Variants in ADAMTS2 observed in about 807,000 individuals in gnomAD.
ADAMTS2 encodes the protein A disintegrin and metalloproteinase with thrombospondin motifs 2.
Under a neutral mutation model 123.0 loss-of-function variants are expected in ADAMTS2, and 50 were observed. The ratio of observed to expected loss-of-function variants is 0.41; its 90% confidence interval spans 0.32 to 0.51. ADAMTS2 has a LOEUF of 0.51. Among genes scored for constraint, ADAMTS2 ranks in the 20% least tolerant of loss-of-function variants. The pLI, the probability that ADAMTS2 is intolerant of heterozygous loss-of-function variation, is 0.35. For synonymous variants in ADAMTS2, 678 were observed against 695.4 expected, an observed-to-expected ratio of 0.98 and a Z score of 0.39; for missense variants, 1,494 against 1,705.2, an observed-to-expected ratio of 0.88 and a Z score of 2.18.
rs184679015 is a variant in ADAMTS2 at position 179,180,843 on chromosome 5, G to A, written c.975+229C>T. Among the ~76,000 whole-genome samples, 1 of 152,304 alleles carries A rather than the reference G, an allele frequency of 6.6e-6. No homozygotes were observed. The highest frequency in any genetic ancestry group is 2.4e-5 in the African/African-American group (1 of 41,556). ...GGCCTGGTATGTCTCTTCCTCTTGG[G>A]ATCTGGGAGTAACAGACTCTTTTCA... On this transcript the variant is annotated intron_variant, in intron 5 of 21. Transcript: ENST00000251582. This position sits in a 1 kb window ranked among gnomAD's most constrained non-coding sequence, Gnocchi z 4.6.
In ADAMTS2 at chr5:179,308,322, TG is replaced by T. The variant is rs1414961207; in HGVS notation, c.535-35259del. ...GGAGTCACCAGGACCATCTGACAAA[TG>T]ACCGCCTTGGGGATCCGTGGAGCTC... On this transcript the variant is annotated intron_variant, in intron 2 of 21. Coordinates refer to ENST00000251582, the MANE Select transcript of ADAMTS2 (RefSeq NM_014244.5). The surrounding 1 kb of genome is among the most constrained non-coding windows in gnomAD (Gnocchi z 6.6). 1.3e-5 allele frequency among the ~76,000 whole-genome samples: 2 copies of T among 152,108 alleles called. No individual in the cohort carries two copies. The highest frequency in any genetic ancestry group is 2.4e-5 in the African/African-American group (1 of 41,422).
rs189809035 is a variant in ADAMTS2, at chr5:179,127,863, G to A, written c.2617+96C>T. On this transcript the variant is annotated intron_variant, in intron 17 of 21. Coordinates refer to ENST00000251582, the MANE Select transcript of ADAMTS2 (RefSeq NM_014244.5). The stretch of plus-strand genomic sequence containing the variant: ...GCAAAGGTCCCTGCTGTGGCTCCTC[G>A]GCCCCTGCTCACGCTGGCCCCACCC... 131 of 1,534,298 alleles carry A rather than the reference G, an allele frequency of 8.5e-5. No homozygotes were observed. The African/African-American group carries it at 1.4e-3, about 16-fold the overall frequency.
chr5:179,286,833 T>C (rs1263325305), intron 2 of ADAMTS2, among the ~76,000 whole-genome samples: 2 of 152,148 alleles, frequency 1.3e-5, no homozygotes, highest in African/African-American at 4.8e-5. Context: ...CCTCTCTCCT[T>C]GGCTTGTCGA....
intron 3 of ADAMTS2, among the ~76,000 whole-genome samples, chr5:179,266,257 G>A (rs957221215): frequency 1.3e-5 from 2 of 152,164 alleles, no homozygotes; most frequent in African/African-American, 2.4e-5. Flanking sequence ...CCCAAAACTC[G>A]TGAGCATTAC....
chr5:179,325,373 G>A (rs981207504), intron 2 of ADAMTS2, among the ~76,000 whole-genome samples: 3 of 152,192 alleles, frequency 2.0e-5, no homozygotes, highest in Admixed American at 1.3e-4. Flanking sequence ...TGGGAGAAAC[G>A]GGGGCAGGGA....
rs1259021944 is a variant in ADAMTS2 at position 179,299,326 on chromosome 5, G to A, written c.535-26262C>T. ...GGGCGGATCACGAGGTCAGGAGATGGAGACCATCCTGGCTAACACGGTGAA... is the reference window on the plus strand; with the variant it reads ...GGGCGGATCACGAGGTCAGGAGATGAAGACCATCCTGGCTAACACGGTGAA... On this transcript the variant is annotated intron_variant, in intron 2 of 21. Coordinates refer to ENST00000251582, the MANE Select transcript of ADAMTS2 (RefSeq NM_014244.5). 1.6e-4 allele frequency among the ~76,000 whole-genome samples: 13 copies of A among 81,630 alleles called. 1 individual carries two copies. Among genetic ancestry groups the A allele is most frequent in the African/African-American group, 5.1e-4 (11 of 21,748 alleles). The allele number at this position is 81,630 out of a possible 152,430, so 53.6% of individuals were successfully genotyped here. A position where few individuals can be genotyped will look rare whatever the true frequency, so the allele number is the denominator to read the frequency against.
Position 179,113,931 on chromosome 5 carries a change from C to T in ADAMTS2, c.3572G>A (p.Arg1191Lys), listed in dbSNP as rs1389349395. The T allele has an allele frequency of 5.6e-6, 9 of 1,613,988 alleles. No individual in the cohort carries two copies. The highest frequency in any genetic ancestry group is 7.6e-6 in the Non-Finnish European group (9 of 1,180,032). ...PRRPSPYEKT[R>K]NQRIQELIDE... ...AATGAGCTCTTGGATTCTTTGGTTT[C>T]TGGTCTTTTCATAGGGGCTCGGTCG... Residue 1191 changes from arginine to lysine, a missense_variant, in exon 22 of 22, where the codon AGA (arginine) becomes AAA (lysine). Physicochemically the swap from Arg to Lys is conservative, Grantham distance 26. Around this residue, in one of 6 missense-constraint regions of ADAMTS2, gnomAD observed 953 missense variants for 1,124.7 expected, o/e 0.85. Coordinates refer to ENST00000251582, the MANE Select transcript of ADAMTS2 (RefSeq NM_014244.5).
In ADAMTS2 at chr5:179,207,620, C is replaced by T. The variant is rs376820857; in HGVS notation, c.784G>A (p.Ala262Thr). ...SSRRRARRHA[A>T]DDDYNIEVLL... ...ACCTCGATGTTGTAGTCATCGTCCG[C>T]AGCATGCCTGCGTGCCCTCCGCCTC... The change falls in exon 4 of 22, where the codon GCG becomes ACG. Residue 262 changes from alanine to threonine, a missense_variant. Physicochemically the swap from Ala to Thr is moderately conservative, Grantham distance 58 (BLOSUM62 0). Transcript: ENST00000251582. The T allele has an allele frequency of 1.1e-4, 184 of 1,613,742 alleles. 1 individual carries two copies. The highest frequency in any genetic ancestry group is 9.8e-4 in the East Asian group (44 of 44,896).
intron 2 of ADAMTS2, among the ~76,000 whole-genome samples, chr5:179,333,181 C>T (rs140996614): frequency 2.1e-3 from 314 of 152,342 alleles, no homozygotes; most frequent in African/African-American, 7.0e-3. Flanking sequence ...CGCTTCCTTC[C>T]ACCTCAAGCC....
intron 5 of ADAMTS2, among the ~76,000 whole-genome samples, chr5:179,178,387 C>T (rs186363605): frequency 3.4e-4 from 52 of 152,320 alleles, no homozygotes; most frequent in African/African-American, 1.2e-3. Flanking sequence ...GAGGGCTCAG[C>T]GAGCCTCTCT....
At chr5:179,243,841 G>A (rs1765721634) in intron 3 of ADAMTS2, among the ~76,000 whole-genome samples, 1 of 152,184 alleles carries the variant, frequency 6.6e-6, no homozygotes, top group South Asian at 2.1e-4. Context: ...TATCAATAAA[G>A]AGAAATTATA....
intron 7 of ADAMTS2, 44 bp from the exon 8 acceptor site, chr5:179,154,236 G>A (rs1176307832): frequency 3.8e-5 from 59 of 1,536,494 alleles, no homozygotes; most frequent in Non-Finnish European, 5.1e-5. Context: ...TGGCACACGG[G>A]TCTGCCAGTC....
chr5:179,219,460 C>T (rs181276199), intron 3 of ADAMTS2, among the ~76,000 whole-genome samples: 133 of 152,350 alleles, frequency 8.7e-4, no homozygotes, highest in Non-Finnish European at 1.2e-3. Context: ...CTCTCTTGAA[C>T]GATTGAGGCA....
intron 3 of ADAMTS2, among the ~76,000 whole-genome samples, chr5:179,227,373 C>T (rs1765313889): frequency 6.6e-6 from 1 of 152,114 alleles, no homozygotes; most frequent in Admixed American, 6.5e-5. Context: ...GAGCCCCCAG[C>T]CTGGCCTGCT....
intron 3 of ADAMTS2, among the ~76,000 whole-genome samples, chr5:179,239,945 C>T (rs568252045): frequency 2.6e-5 from 4 of 152,170 alleles, no homozygotes; most frequent in Admixed American, 2.0e-4. Context: ...ATGATGACCT[C>T]GGGGAGGGTG....
At chr5:179,321,996 G>A (rs1757194815) in intron 2 of ADAMTS2, among the ~76,000 whole-genome samples, 1 of 152,174 alleles carries the variant, frequency 6.6e-6, no homozygotes, top group African/African-American at 2.4e-5. Context: ...ATGTGGCATG[G>A]GCAGAGGCAG....
At chr5:179,125,295 C>T in intron 18 of ADAMTS2, 115 bp from the exon 19 acceptor site, 1 of 876,292 alleles carries the variant, frequency 1.1e-6, no homozygotes, top group Non-Finnish European at 1.9e-6. Flanking sequence ...AGAGGGCAGC[C>T]TGCACCCCTC....
intron 2 of ADAMTS2, among the ~76,000 whole-genome samples, chr5:179,280,773 A>G (rs562590032): frequency 6.6e-6 from 1 of 152,332 alleles, no homozygotes; most frequent in East Asian, 1.9e-4. Flanking sequence ...ATCTGTCAGC[A>G]CCAAACTGAG....
intron 10 of ADAMTS2, among the ~76,000 whole-genome samples, chr5:179,144,426 T>C (rs1195258320): frequency 6.6e-6 from 1 of 152,140 alleles, no homozygotes; most frequent in Admixed American, 6.5e-5. Flanking sequence ...GCTCCTAAAA[T>C]TCATATGGAA....
Sources: gnomAD v4.1 joint callset for allele counts (sites outside exome capture counted in the v4.1 genomes callset) on GRCh38, gnomAD v4.1.1 for gene constraint, gnomAD v4.1.1 regional missense constraint, Gnocchi (gnomAD v3.1) non-coding constraint, MANE v1.5 for transcripts, NCBI Gene and HGNC (gene_info 2026-07-23, HGNC 2026-07-21) for gene names.